ROR1: variants seen among roughly 807,000 people sequenced by gnomAD.
ROR1 encodes inactive tyrosine-protein kinase transmembrane receptor ROR1.
Under a neutral mutation model 78.8 loss-of-function variants are expected in ROR1, and 19 were observed. The ratio of observed to expected loss-of-function variants is 0.24; its 90% CI spans 0.17 to 0.35. The LOEUF is 0.35. Among genes scored for constraint, ROR1 ranks in the 10% least tolerant of loss-of-function variants. The pLI, the probability that ROR1 is intolerant of heterozygous loss-of-function variation, is 1.00. For synonymous variants in ROR1, 386 were observed against 433.6 expected, an observed-to-expected ratio of 0.89 and a Z score of 1.36; for missense variants, 917 against 1,177.8, an observed-to-expected ratio of 0.78 and a Z score of 3.24.
intron 8 of ROR1, among the ~76,000 whole-genome samples, chr1:64,163,929 CCT>C (rs1279072743): frequency 1.3e-5 from 2 of 152,136 alleles, no homozygotes; most frequent in African/African-American, 4.8e-5. Flanking sequence ...TTAACATGGG[CCT>C]CTTGGGAAGC....
intron 1 of ROR1, among the ~76,000 whole-genome samples, chr1:63,937,216 T>C (rs148119265): frequency 1.3e-5 from 2 of 152,230 alleles, no homozygotes; most frequent in Non-Finnish European, 2.9e-5. Context: ...AGCACAATGC[T>C]TTGCACTTCT....
chr1:63,918,147 C>T (rs1385194531), intron 1 of ROR1, among the ~76,000 whole-genome samples: 3 of 152,190 alleles, frequency 2.0e-5, no homozygotes, highest in East Asian at 3.9e-4. Context: ...ACCCAGATTG[C>T]GTTTGGGTGC....
intron 1 of ROR1, among the ~76,000 whole-genome samples, chr1:63,990,942 T>C (rs1646290764): frequency 6.6e-6 from 1 of 152,204 alleles, no homozygotes; most frequent in South Asian, 2.1e-4. Flanking sequence ...ACTCTGTCTT[T>C]TAAAAATTGT....
In ROR1 at chr1:64,049,866, C is replaced by T; in HGVS notation, c.339C>T (p.Gly113=). ...TCTCCTTTCGGTCCACCATCTATGGCTCTCGGCTGCGGATTAGAAACCTCG... is the reference window on the plus strand; with the variant it reads ...TCTCCTTTCGGTCCACCATCTATGGTTCTCGGCTGCGGATTAGAAACCTCG... ...RRLSFRSTIY[G]SRLRIRNLDT... Residue 113 remains glycine (G), a synonymous_variant, in exon 3 of 9, where the codon GGC becomes GGT. Transcript: ENST00000371079. The T allele has an allele frequency of 1.9e-6, 3 of 1,614,224 alleles. No individual in the cohort carries two copies. The highest frequency in any genetic ancestry group is 2.5e-6 in the Non-Finnish European group (3 of 1,180,036).
chr1:63,949,430 C>T (rs1645916036), intron 1 of ROR1, among the ~76,000 whole-genome samples: 1 of 152,124 alleles, frequency 6.6e-6, no homozygotes, highest in Admixed American at 6.5e-5. Context: ...AGGAGAACAG[C>T]CACATTTGAA....
chr1:63,896,768 T>C (rs986193091), intron 1 of ROR1, among the ~76,000 whole-genome samples: 3 of 152,070 alleles, frequency 2.0e-5, no homozygotes, highest in African/African-American at 7.2e-5. Flanking sequence ...TTGGGGGGCA[T>C]TGGGGGGCTG....
chr1:64,005,166 G>GT (rs1278292484), intron 1 of ROR1, among the ~76,000 whole-genome samples: 3 of 152,206 alleles, frequency 2.0e-5, no homozygotes, highest in African/African-American at 7.2e-5. Flanking sequence ...AGCTAACCAA[G>GT]TACATCCATG....
chr1:63,981,087 C>G (rs896974016), intron 1 of ROR1, among the ~76,000 whole-genome samples: 6 of 152,058 alleles, frequency 3.9e-5, no homozygotes, highest in African/African-American at 1.4e-4. Context: ...TGATGTTGTT[C>G]ATAACAACAA....
In ROR1 at chr1:64,180,628, C is replaced by T. The variant is rs906945467; in HGVS notation, c.*1773C>T. 2 of 152,164 alleles carry T rather than the reference C, an allele frequency of 1.3e-5. No homozygotes were observed. The highest frequency in any genetic ancestry group is 6.5e-5 in the Admixed American group (1 of 15,278). 9.4% of individuals were successfully genotyped at this position (152,164 alleles called of 1,614,324 possible). ...CATAAATAAGCTGATTCAGAAGTTA[C>T]ATTTCTTAACTTTAGGTAGAGGAGA... On this transcript the variant is annotated 3_prime_UTR_variant, in exon 9 of 9. Coordinates refer to ENST00000371079, the MANE Select transcript of ROR1 (RefSeq NM_005012.4).
chr1:63,864,851 T>A (rs1645205061), intron 1 of ROR1, among the ~76,000 whole-genome samples: 1 of 151,634 alleles, frequency 6.6e-6, no homozygotes, highest in Non-Finnish European at 1.5e-5. Flanking sequence ...GTTTTTTTTT[T>A]TAATTTTTTT....
intron 2 of ROR1, among the ~76,000 whole-genome samples, chr1:64,044,418 T>C (rs1007135455): frequency 3.3e-5 from 5 of 152,066 alleles, no homozygotes; most frequent in African/African-American, 1.2e-4. Context: ...ATTCAGACAA[T>C]GGCACCAACG....
chr1:64,048,818 C>G (rs1455835547), intron 2 of ROR1, among the ~76,000 whole-genome samples: 1 of 151,694 alleles, frequency 6.6e-6, no homozygotes, highest in Admixed American at 6.6e-5. Flanking sequence ...CTGAAACAGG[C>G]AAAATTAACC....
At chr1:64,062,008 G>A (rs577019313) in intron 4 of ROR1, among the ~76,000 whole-genome samples, 1 of 152,268 alleles carries the variant, frequency 6.6e-6, no homozygotes, top group African/African-American at 2.4e-5. Context: ...CAAACAGTGT[G>A]AAAGATTTTT....
At chr1:64,141,779 A>G (rs1202618152) in intron 6 of ROR1, among the ~76,000 whole-genome samples, 2 of 152,156 alleles carry the variant, frequency 1.3e-5, no homozygotes, top group Admixed American at 6.5e-5. Context: ...CTCAGTAGCA[A>G]CATTATTATT....
chr1:63,794,991 C>G (rs1644751247), intron 1 of ROR1, among the ~76,000 whole-genome samples: 1 of 152,126 alleles, frequency 6.6e-6, no homozygotes, highest in Non-Finnish European at 1.5e-5. Context: ...GAGATCTGCA[C>G]AGTGACTTGT....
intron 2 of ROR1, among the ~76,000 whole-genome samples, chr1:64,018,395 C>T (rs1646538531): frequency 1.3e-5 from 2 of 152,128 alleles, no homozygotes; most frequent in Admixed American, 6.5e-5. Context: ...GAACACCCTC[C>T]CCCAACCTTT....
chr1:64,004,682 T>A (rs1343495400), intron 1 of ROR1, among the ~76,000 whole-genome samples: 1 of 152,114 alleles, frequency 6.6e-6, no homozygotes, highest in Non-Finnish European at 1.5e-5. Context: ...GAATGTTGGG[T>A]CTTTACCTGC....
At chr1:64,015,280 C>T (rs1350590727) in intron 2 of ROR1, among the ~76,000 whole-genome samples, 1 of 152,148 alleles carries the variant, frequency 6.6e-6, no homozygotes, top group African/African-American at 2.4e-5. Flanking sequence ...TGGGTTAAGA[C>T]ACTCAAACCA....
intron 1 of ROR1, among the ~76,000 whole-genome samples, chr1:63,914,679 G>A (rs895004485): frequency 4.6e-5 from 7 of 152,046 alleles, no homozygotes; most frequent in Admixed American, 1.3e-4. Flanking sequence ...ACACATGACC[G>A]TTGGAACCCT....
Sources: allele counts gnomAD v4.1 joint callset (sites outside exome capture counted in the v4.1 genomes callset), GRCh38; gene constraint gnomAD v4.1.1; transcripts MANE v1.5; gene names NCBI Gene and HGNC (gene_info 2026-07-23, HGNC 2026-07-21).